Variants in PRPF6 observed in about 807,000 individuals in gnomAD.
PRPF6 encodes pre-mRNA processing factor 6.
PRPF6 carries 42 observed loss-of-function variants against 118.3 expected under a neutral mutation model. That is an observed-to-expected ratio of 0.35 (90% CI 0.28 to 0.46). PRPF6 has a LOEUF of 0.46. Among genes scored for constraint, PRPF6 ranks in the 20% least tolerant of loss-of-function variants. The pLI, the probability that PRPF6 is intolerant of heterozygous loss-of-function variation, is 1.00. For missense variants in PRPF6, 662 were observed against 1,255.7 expected, an observed-to-expected ratio of 0.53 and a Z score of 7.15; for synonymous variants, 481 against 485.1, an observed-to-expected ratio of 0.99 and a Z score of 0.11.
chr20:64,026,177 C>T lies in PRPF6; in HGVS notation c.2028+119C>T, dbSNP rs1207864512. On this transcript the variant is annotated intron_variant, in intron 15 of 20. Transcript: ENST00000266079. This position sits in a 1 kb window ranked among gnomAD's most constrained non-coding sequence, Gnocchi z 4.4. ...ACGGCAGGCAAACGAGACCACAGCA[C>T]ACTCATCTTTGTGATGTGACTAAAA... 1.3e-6 allele frequency: 2 copies of T among 1,515,036 alleles called. No homozygotes were observed. The highest frequency in any genetic ancestry group is 1.8e-6 in the Non-Finnish European group (2 of 1,121,996). The allele number at this position is 1,515,036 out of a possible 1,614,324, so 93.8% of individuals were successfully genotyped here.
chr20:64,009,805 A>G (rs2059207679), intron 9 of PRPF6, among the ~76,000 whole-genome samples: 1 of 152,234 alleles, frequency 6.6e-6, no homozygotes, highest in South Asian at 2.1e-4. Flanking sequence ...ATTCGTTGGC[A>G]GTCATGCTTC....
At chr20:64,010,412 T>C (rs1252886209) in intron 10 of PRPF6, 94 bp downstream of exon 10, 3 of 1,064,706 alleles carry the variant, frequency 2.8e-6, no homozygotes, top group African/African-American at 1.5e-5. Context: ...AGTGGAGCAT[T>C]GAGCTCACTC....
chr20:63,989,126 A>G (rs776981871), intron 3 of PRPF6, among the ~76,000 whole-genome samples: 12 of 152,214 alleles, frequency 7.9e-5, no homozygotes, highest in Non-Finnish European at 1.0e-4. Context: ...TGTACCAGGA[A>G]TATTTATTGG....
At chr20:63,990,946 G>A (rs1029429355) in intron 3 of PRPF6, among the ~76,000 whole-genome samples, 3 of 151,430 alleles carry the variant, frequency 2.0e-5, no homozygotes, top group Admixed American at 6.6e-5. Context: ...GAGCCACCAC[G>A]CCAGGCTCAC....
chr20:63,989,183 C>G (rs2059107814), intron 3 of PRPF6, among the ~76,000 whole-genome samples: 1 of 152,098 alleles, frequency 6.6e-6, no homozygotes, highest in Non-Finnish European at 1.5e-5. Context: ...AACTGGATAT[C>G]TATATACAGA....
At chr20:63,984,794 G>A (rs1333008921) in intron 2 of PRPF6, 113 bp from the exon 3 acceptor site, 9 of 794,470 alleles carry the variant, frequency 1.1e-5, no homozygotes, top group African/African-American at 8.6e-5. Flanking sequence ...ATTTGGCTTC[G>A]TTGGCTGAAG....
chr20:64,007,287 A>G (rs2059194359), intron 9 of PRPF6, among the ~76,000 whole-genome samples: 1 of 152,140 alleles, frequency 6.6e-6, no homozygotes, highest in Non-Finnish European at 1.5e-5. Context: ...ATTCCCTGCC[A>G]GGGCCTCACA....
chr20:63,982,914 C>T (rs2059077616), intron 1 of PRPF6, 133 bp from the exon 2 acceptor site: 2 of 1,086,346 alleles, frequency 1.8e-6, no homozygotes, highest in East Asian at 2.6e-5. Flanking sequence ...GACTGCAGTT[C>T]ATTGTCACCA....
chr20:64,007,005 TCTCAGTCCCTTGACC>T (rs918529528), intron 9 of PRPF6, among the ~76,000 whole-genome samples: 3 of 152,236 alleles, frequency 2.0e-5, no homozygotes, highest in African/African-American at 7.2e-5. Context: ...ACTTTTGTCT[TCTCAGTCCCTTGACC>T]CTAAGGGACT....
At chr20:64,030,348 C>A (rs1267849965) in intron 19 of PRPF6, among the ~76,000 whole-genome samples, 1 of 152,182 alleles carries the variant, frequency 6.6e-6, no homozygotes, top group African/African-American at 2.4e-5. Flanking sequence ...TCTCCTGTGT[C>A]CGGCTTCCCC....
intron 12 of PRPF6, among the ~76,000 whole-genome samples, chr20:64,019,112 T>TTG (rs1601528061): frequency 6.9e-6 from 1 of 144,590 alleles, no homozygotes; most frequent in African/African-American, 2.6e-5. Flanking sequence ...TTTTTTTTTT[T>TTG]GGGACAGAGT....
At chr20:63,986,345 C>CAAAA (rs931360870) in intron 3 of PRPF6, among the ~76,000 whole-genome samples, 1 of 45,364 alleles carries the variant, frequency 2.2e-5, no homozygotes, top group African/African-American at 7.6e-5. Context: ...GACTCCATCT[C>CAAAA]AAAAAAAAAA....
At chr20:64,002,014 G>GTTTTTTTTTTTTTTTTTTTT (rs386394238) in intron 9 of PRPF6, among the ~76,000 whole-genome samples, 2 of 83,242 alleles carry the variant, frequency 2.4e-5, no homozygotes, top group Non-Finnish European at 4.2e-5. Flanking sequence ...TTTTTTTCTG[G>GTTTTTTTTTTTTTTTTTTTT]TTTTTTTTTT....
chr20:64,001,043 C>G (rs1601517815), intron 8 of PRPF6, 34 bp from the exon 9 acceptor site: 1 of 1,611,860 alleles, frequency 6.2e-7, no homozygotes, highest in Non-Finnish European at 8.5e-7. Context: ...CCAGCCTGCA[C>G]TGAGCCTTAT....
At position 64,027,853 on chromosome 20, in the gene PRPF6, G is replaced by A; in HGVS notation, c.2339+117G>A. 2.7e-6 allele frequency: 4 copies of A among 1,461,924 alleles called. No individual in the cohort carries two copies. The highest frequency in any genetic ancestry group is 2.9e-6 in the Non-Finnish European group (3 of 1,047,282). The allele number at this position is 1,461,924 out of a possible 1,614,324, so 90.6% of individuals were successfully genotyped here. ...GCAGTGCTTCCAGGCTCAGGGGCTTGGGGGGCGGTAGGTGCTGGCCATGAA... is the reference window on the plus strand; with the variant it reads ...GCAGTGCTTCCAGGCTCAGGGGCTTAGGGGGCGGTAGGTGCTGGCCATGAA... On this transcript the variant is annotated intron_variant, in intron 17 of 20. Coordinates refer to ENST00000266079, the MANE Select transcript of PRPF6 (RefSeq NM_012469.4). This position sits in a 1 kb window ranked among gnomAD's most constrained non-coding sequence, Gnocchi z 6.5.
chr20:64,028,688 G>GCCCCCACTCCCTCA lies in PRPF6; in HGVS notation c.2431+119_2431+120insCCCCCACTCCCTCA. 1 of 1,046,156 alleles carries GCCCCCACTCCCTCA rather than the reference G, an allele frequency of 9.6e-7. No individual in the cohort carries two copies. The highest frequency in any genetic ancestry group is 1.4e-6 in the Non-Finnish European group (1 of 702,816). 64.8% of individuals were successfully genotyped at this position (1,046,156 alleles called of 1,614,324 possible). A position where few individuals can be genotyped will look rare whatever the true frequency, so the allele number is the denominator to read the frequency against. On this transcript the variant is annotated intron_variant, in intron 18 of 20. Transcript: ENST00000266079. The surrounding 1 kb of genome is among the most constrained non-coding windows in gnomAD (Gnocchi z 6.5). ...ACTCCGCAGGGCTGGCACTTCCTGA[G>GCCCCCACTCCCTCA]GGAGTGGGGGCTCAGGCTTCAGACG...
intron 1 of PRPF6, among the ~76,000 whole-genome samples, chr20:63,982,436 C>T (rs907479598): frequency 2.0e-5 from 3 of 152,198 alleles, no homozygotes; most frequent in Non-Finnish European, 2.9e-5. Flanking sequence ...TCCCAAAGTG[C>T]TGGGATTACA....
chr20:64,016,977 C>G (rs1351648673), intron 12 of PRPF6, 132 bp downstream of exon 12: 7 of 1,297,800 alleles, frequency 5.4e-6, no homozygotes, highest in Non-Finnish European at 7.4e-6. Context: ...GGGTCTTGCT[C>G]TGTCGCCCAG....
intron 1 of PRPF6, 62 bp from the exon 2 acceptor site, chr20:63,982,985 A>G (rs817355): frequency 0.48 from 754,923 of 1,578,054 alleles, 186,419 homozygotes; most frequent in African/African-American, 0.6. Context: ...GATAACCAGG[A>G]GTGGAGAAGA....
Sources: allele counts gnomAD v4.1 joint callset (sites outside exome capture counted in the v4.1 genomes callset), GRCh38; gene constraint gnomAD v4.1.1; non-coding constraint Gnocchi (gnomAD v3.1); transcripts MANE v1.5; gene names NCBI Gene and HGNC (gene_info 2026-07-23, HGNC 2026-07-21).